Variants in STK36 observed in about 807,000 individuals in gnomAD.
STK36 encodes the protein serine/threonine kinase 36.
In STK36, 116 loss-of-function variants were observed where a neutral mutation model predicts 142.2. The ratio of observed to expected loss-of-function variants is 0.82; its 90% confidence interval spans 0.70 to 0.95. STK36 has a LOEUF of 0.95. Among genes scored for constraint, STK36 ranks in the 40% least tolerant of loss-of-function variants. The probability of loss-of-function intolerance (pLI) is 0.00; values close to 1 mark genes in which losing one functional copy is unlikely to be tolerated. For synonymous variants in STK36, 619 were observed against 641.7 expected, an observed-to-expected ratio of 0.96 and a Z score of 0.53; for missense variants, 1,422 against 1,617.2, an observed-to-expected ratio of 0.88 and a Z score of 2.07.
rs199845830 is a variant in STK36 at position 218,697,604 on chromosome 2, G to T, written c.2903G>T (p.Arg968Leu). 1.2e-5 allele frequency: 19 copies of T among 1,614,000 alleles called. No homozygotes were observed. In the Middle Eastern group the frequency reaches 6.6e-4, roughly 56 times the overall value. Residue 968 changes from arginine to leucine, a missense_variant, in exon 24 of 27, where the codon CGC becomes CTC. Around this residue, in one of 2 missense-constraint regions of STK36, gnomAD observed 962 missense variants for 1,167.5 expected, o/e 0.82. Coordinates refer to ENST00000295709, the MANE Select transcript of STK36 (RefSeq NM_015690.5). ...LLCPSFLNQL[R>L]QAPHGSEFLP... ...TGCCCCAGCTTCCTGAATCAACTGCGCCAGGCGTGAGTTTGAGCTAGAAGA... is the reference window on the plus strand; with the variant it reads ...TGCCCCAGCTTCCTGAATCAACTGCTCCAGGCGTGAGTTTGAGCTAGAAGA...
chr2:218,672,117 A>C lies in STK36; in HGVS notation c.-188A>C. ...GCCTGATGGCCCTGAGGCAGTTCGG[A>C]TGTGTCCCAGGAAGTGCCCATGTGT... On this transcript the variant is annotated 5_prime_UTR_variant, in exon 1 of 27. An upstream start codon of the reference 5' UTR is lost. Coordinates refer to ENST00000295709, the MANE Select transcript of STK36 (RefSeq NM_015690.5). 1 of 945,996 alleles carries C rather than the reference A, an allele frequency of 1.1e-6. No individual in the cohort carries two copies. The highest frequency in any genetic ancestry group is 1.6e-6 in the Non-Finnish European group (1 of 611,920). 58.6% of individuals were successfully genotyped at this position (945,996 alleles called of 1,614,324 possible).
rs985489409 is a variant in STK36, at chr2:218,672,752, GT to G, written c.-76del. 1 of 1,455,318 alleles carries G rather than the reference GT, an allele frequency of 6.9e-7. No individual in the cohort carries two copies. The highest frequency in any genetic ancestry group is 9.6e-7 in the Non-Finnish European group (1 of 1,040,882). The allele number at this position is 1,455,318 out of a possible 1,614,324, so 90.2% of individuals were successfully genotyped here. A position where few individuals can be genotyped will look rare whatever the true frequency, so the allele number is the denominator to read the frequency against. On this transcript the variant is annotated 5_prime_UTR_variant, in exon 2 of 27. It removes the in-frame stop codon of an upstream open reading frame in the 5' UTR. Transcript: ENST00000295709. The stretch of plus-strand genomic sequence containing the variant: ...CGTGCCCCAACTAGGCGTCCCAGAT[GT>G]TGTGGAACTGTCCCTGGATCTATAG...
intron 1 of STK36, 170 bp downstream of exon 1, chr2:218,672,385 C>A (rs1217372939): frequency 3.3e-6 from 1 of 305,112 alleles, no homozygotes; most frequent in Admixed American, 4.7e-5. Context: ...GGGCTCTGGC[C>A]TGCGAAGCGC....
rs372830079 is a variant in STK36 at position 218,672,929 on chromosome 2, G to A, written c.84+16G>A. The stretch of plus-strand genomic sequence containing the variant: ...CAGTGCTCAGGTGTTGCACAAAGAG[G>A]GATACCTTTTGGGTGGGATTTGGTA... On this transcript the variant is annotated intron_variant, in intron 2 of 26. Transcript: ENST00000295709. The A allele has an allele frequency of 3.0e-5, 49 of 1,612,836 alleles. 1 individual carries two copies. In the South Asian group the frequency reaches 4.4e-4, roughly 14 times the overall value.
At position 218,690,356 on chromosome 2, in the gene STK36, A is replaced by G. The variant is rs571486265; in HGVS notation, c.1659-94A>G. The G allele has an allele frequency of 1.3e-5, 13 of 990,886 alleles. 1 individual carries two copies. The East Asian group carries it at 1.9e-4, about 14-fold the overall frequency. The allele number at this position is 990,886 out of a possible 1,614,324, so 61.4% of individuals were successfully genotyped here. A position where few individuals can be genotyped will look rare whatever the true frequency, so the allele number is the denominator to read the frequency against. On this transcript the variant is annotated intron_variant, in intron 13 of 26. Coordinates refer to ENST00000295709, the MANE Select transcript of STK36 (RefSeq NM_015690.5). ...GGAACATTCTGATGTGTCCCTTTGC[A>G]GAGATTCTCCTACCTGCCCAGGACT...
Position 218,701,887 on chromosome 2 carries a change from A to G in STK36, c.3826A>G (p.Ser1276Gly). 1 of 1,614,128 alleles carries G rather than the reference A, an allele frequency of 6.2e-7. No homozygotes were observed. The highest frequency in any genetic ancestry group is 8.5e-7 in the Non-Finnish European group (1 of 1,180,016). ...IHQVLVSLGA[S>G]EKLSLLSLGN... ...ACAGGTACTGGTGTCCCTGGGTGCC[A>G]GTGAGAAACTATCCTTGCTCTCTCT... Residue 1276 changes from serine (S) to glycine (G), a missense_variant, in exon 27 of 27, where the codon AGT (serine) becomes GGT (glycine). By Grantham distance (56) the Ser-to-Gly change is moderately conservative (BLOSUM62 0). Coordinates refer to ENST00000295709, the MANE Select transcript of STK36 (RefSeq NM_015690.5).
chr2:218,681,141 T>G (rs182382322), intron 10 of STK36, among the ~76,000 whole-genome samples: 4 of 152,064 alleles, frequency 2.6e-5, no homozygotes, highest in Admixed American at 2.6e-4. Flanking sequence ...TTTTTTTTTT[T>G]TTTCGAGACA....
chr2:218,697,285 T>A, intron 23 of STK36, 72 bp downstream of exon 23: 1 of 1,550,932 alleles, frequency 6.4e-7, no homozygotes, highest in Non-Finnish European at 8.7e-7. Context: ...CAGAACTGGG[T>A]TAACCCACAG....
chr2:218,699,358 A>G lies in STK36; in HGVS notation c.3804+10A>G. ...GCCTGGCATCCATCAGGTATACCCT[A>G]CAGCACTTATGAACCATGATGATCA... On this transcript the variant is annotated intron_variant, in intron 26 of 26. Coordinates refer to ENST00000295709, the MANE Select transcript of STK36 (RefSeq NM_015690.5). The G allele has an allele frequency of 1.9e-6, 3 of 1,610,516 alleles. No individual in the cohort carries two copies. The highest frequency in any genetic ancestry group is 2.5e-6 in the Non-Finnish European group (3 of 1,178,590).
In STK36 at chr2:218,694,474, G is replaced by C. The variant is rs775555307; in HGVS notation, c.2401-51G>C. On this transcript the variant is annotated intron_variant, in intron 20 of 26. Transcript: ENST00000295709. The surrounding 1 kb of genome is among the most constrained non-coding windows in gnomAD (Gnocchi z 4.4). ...GACATAAATCCTCTCTGCCTGTCCT[G>C]AATGCCATTTAGATTTGGACATTCT... 1.9e-6 allele frequency: 3 copies of C among 1,581,826 alleles called. No homozygotes were observed. In the South Asian group the frequency reaches 3.3e-5, roughly 17 times the overall value.
intron 15 of STK36, 41 bp from the exon 16 acceptor site, chr2:218,692,542 A>G: frequency 1.3e-6 from 2 of 1,584,472 alleles, no homozygotes; most frequent in Non-Finnish European, 1.7e-6. Context: ...CTAGGGCAAG[A>G]GCCTCAGGCC....
chr2:218,680,833 T>A (rs774711480), intron 10 of STK36, 131 bp downstream of exon 10: 10 of 645,872 alleles, frequency 1.5e-5, no homozygotes, highest in Non-Finnish European at 2.6e-5. Flanking sequence ...TATTGCTTTA[T>A]TATTATAGAT....
Position 218,692,278 on chromosome 2 carries a change from G to A in STK36, c.1900G>A (p.Val634Ile), listed in dbSNP as rs1476226726. The part of the protein sequence containing the change: ...LHGLTVPQLP[V>I]HTPQGAPQVS... Reference sequence around the variant, plus strand: ...TGGCTTGACAGTTCCACAGCTCCCTGTCCACACTCCCCAAGGTAACCAGAG... The same window carrying A: ...TGGCTTGACAGTTCCACAGCTCCCTATCCACACTCCCCAAGGTAACCAGAG... The change falls in exon 15 of 27, where the codon GTC becomes ATC. Residue 634 changes from valine to isoleucine, a missense_variant. Around this residue, in one of 2 missense-constraint regions of STK36, gnomAD observed 962 missense variants for 1,167.5 expected, o/e 0.82. Transcript: ENST00000295709. The A allele has an allele frequency of 6.2e-7, 1 of 1,614,018 alleles. No homozygotes were observed. Among genetic ancestry groups the A allele is most frequent in the Non-Finnish European group, 8.5e-7 (1 of 1,180,036 alleles).
intron 17 of STK36, 113 bp from the exon 18 acceptor site, chr2:218,693,610 C>G (rs1941100009): frequency 9.7e-7 from 1 of 1,033,108 alleles, no homozygotes; most frequent in Non-Finnish European, 1.4e-6. Context: ...CTCACACTCC[C>G]AAGTGTGGGT....
intron 10 of STK36, among the ~76,000 whole-genome samples, chr2:218,684,106 CTTTTTTTTTTTTT>C (rs35807157): frequency 1.9e-5 from 2 of 105,186 alleles, no homozygotes; most frequent in Admixed American, 2.0e-4. Flanking sequence ...GCCTCACGAT[CTTTTTTTTTTTTT>C]TTTTTTTTTG....
intron 26 of STK36, among the ~76,000 whole-genome samples, chr2:218,699,972 C>T (rs555452649): frequency 4.0e-4 from 60 of 151,892 alleles, no homozygotes; most frequent in Non-Finnish European, 7.5e-4. Context: ...CTGCCCAGGC[C>T]GGAGTGCATG....
chr2:218,697,002 T>C (rs1308397922), intron 22 of STK36, 37 bp from the exon 23 acceptor site: 2 of 1,611,286 alleles, frequency 1.2e-6, no homozygotes, highest in Non-Finnish European at 1.7e-6. Context: ...TCCTGACTTC[T>C]GTCTTTCCCC....
intron 26 of STK36, among the ~76,000 whole-genome samples, chr2:218,700,104 T>C (rs943234438): frequency 6.6e-6 from 1 of 152,112 alleles, no homozygotes; most frequent in East Asian, 1.9e-4. Flanking sequence ...GTATTTTTAG[T>C]AGAGACAGGT....
At chr2:218,698,044 A>G (rs960043399) in intron 25 of STK36, 43 bp downstream of exon 25, 1 of 1,612,080 alleles carries the variant, frequency 6.2e-7, no homozygotes, top group Non-Finnish European at 8.5e-7. Context: ...GAAGATAGCC[A>G]ACCTTGTATC....
Sources: gnomAD v4.1 joint callset for allele counts (sites outside exome capture counted in the v4.1 genomes callset) on GRCh38, gnomAD v4.1.1 for gene constraint, gnomAD v4.1.1 regional missense constraint, Gnocchi (gnomAD v3.1) non-coding constraint, MANE v1.5 for transcripts, NCBI Gene and HGNC (gene_info 2026-07-23, HGNC 2026-07-21) for gene names.